The following KDELR1 variants were observed in gnomAD, a reference collection of about 807,000 sequenced individuals.
KDELR1 encodes the protein ER lumen protein-retaining receptor 1.
In KDELR1, 16 loss-of-function variants were observed where a neutral mutation model predicts 25.5. The observed-to-expected ratio is 0.63, with a 90% CI of 0.43 to 0.95. KDELR1 has a LOEUF of 0.95. Ranked by LOEUF, KDELR1 falls within the 40% of genes least tolerant of loss-of-function variation. The pLI, the probability that KDELR1 is intolerant of heterozygous loss-of-function variation, is 0.00. For missense variants in KDELR1, 159 were observed against 265.2 expected (o/e 0.60, Z 2.78); for synonymous variants, 121 against 115.0 (o/e 1.05, Z -0.33).
At position 48,384,312 on chromosome 19, in the gene KDELR1, G is replaced by C; in HGVS notation, c.522C>G (p.Gly174=). The part of the protein sequence containing the change: ...FNWIWRYHFE[G]FFDLIAIVAG... ...CCACAATGGCGATGAGGTCGAAGAAGCCCTCGAAATGGTAGCGCCAGATCC... is the reference window on the plus strand; with the variant it reads ...CCACAATGGCGATGAGGTCGAAGAACCCCTCGAAATGGTAGCGCCAGATCC... The change falls in exon 4 of 5, where the codon GGC becomes GGG. Residue 174 remains glycine, a synonymous_variant. Transcript: ENST00000330720. This position sits in a 1 kb window ranked among gnomAD's most constrained non-coding sequence, Gnocchi z 4.6. 6.2e-7 allele frequency: 1 copy of C among 1,614,250 alleles called. No individual in the cohort carries two copies. Among genetic ancestry groups the C allele is most frequent in the South Asian group, 1.1e-5 (1 of 91,090 alleles).
At chr19:48,396,932 A>G in the KDELR1 span, among the ~76,000 whole-genome samples, 1 of 152,134 alleles carries the variant, frequency 6.6e-6, no homozygotes, top group African/African-American at 2.4e-5. Context: ...CCAGGAGTCC[A>G]GACTCCCAGT....
In KDELR1 at chr19:48,384,893, T is replaced by TTC; in HGVS notation, c.352-412_352-411insGA. Among the ~76,000 whole-genome samples, 1 of 150,316 alleles carries TTC rather than the reference T, an allele frequency of 6.7e-6. No homozygotes were observed. The highest frequency in any genetic ancestry group is 1.9e-4 in the East Asian group (1 of 5,164). ...ATTTCCCTTCCTTTTTCTTTTTCTT[T>TTC]TTTTTTTTTTTGAGATGGAGTATCA... On this transcript the variant is annotated intron_variant, in intron 3 of 4. Coordinates refer to ENST00000330720, the MANE Select transcript of KDELR1 (RefSeq NM_006801.3). This position sits in a 1 kb window ranked among gnomAD's most constrained non-coding sequence, Gnocchi z 4.6.
chr19:48,390,950 C>G (rs1970543602), intron 1 of KDELR1: 6 of 481,152 alleles, frequency 1.2e-5, no homozygotes, highest in Non-Finnish European at 2.3e-5. Context: ...CCACGGTCCA[C>G]GTCACCAACT....
chr19:48,391,251 C>T lies in KDELR1; in HGVS notation c.91+17G>A, dbSNP rs1423232822. 8 of 1,550,826 alleles carry T rather than the reference C, an allele frequency of 5.2e-6. No individual in the cohort carries two copies. The highest frequency in any genetic ancestry group is 2.0e-5 in the Admixed American group (1 of 51,058). ...CCCGCAATCTCTCTCCTTCGCCAGC[C>T]CTGGTGGGCCTCTCACCGGCGCACG... On this transcript the variant is annotated intron_variant, in intron 1 of 4. Transcript: ENST00000330720.
At chr19:48,392,029 A>G (rs1183333009), upstream of KDELR1, among the ~76,000 whole-genome samples, 87 of 104,926 alleles carry the variant, frequency 8.3e-4, no homozygotes, top group Middle Eastern at 7.8e-3. Context: ...AGGAGTCCAG[A>G]CCCCCAGCCT....
In KDELR1 at chr19:48,384,440, A is replaced by G; in HGVS notation, c.394T>C (p.Leu132=). 1 of 1,613,726 alleles carries G rather than the reference A, an allele frequency of 6.2e-7. No individual in the cohort carries two copies. The highest frequency in any genetic ancestry group is 8.5e-7 in the Non-Finnish European group (1 of 1,179,860). The part of the protein sequence containing the change: ...FSIYLESVAI[L]PQLFMVSKTG... Reference sequence around the variant, plus strand: ...TTGCTCACCATGAACAGCTGCGGCAAGATGGCCACTGACTCCAGGTAGATG... The same window carrying G: ...TTGCTCACCATGAACAGCTGCGGCAGGATGGCCACTGACTCCAGGTAGATG... Residue 132 remains leucine, a synonymous_variant, in exon 4 of 5, where the codon TTG becomes CTG. Transcript: ENST00000330720. The surrounding 1 kb of genome is among the most constrained non-coding windows in gnomAD (Gnocchi z 4.6).
intron 2 of KDELR1, 153 bp downstream of exon 2, chr19:48,390,271 C>A: frequency 1.8e-6 from 1 of 566,200 alleles, no homozygotes; most frequent in Non-Finnish European, 3.1e-6. Flanking sequence ...TCCCTTCTTC[C>A]CTCAGACCCA....
upstream of KDELR1, among the ~76,000 whole-genome samples, chr19:48,391,775 C>G (rs1446593211): frequency 1.3e-5 from 2 of 152,278 alleles, no homozygotes; most frequent in Non-Finnish European, 2.9e-5. Context: ...GGAAGAGACG[C>G]AGTCCAGTAC....
At position 48,382,838 on chromosome 19, in the gene KDELR1, G is replaced by T. The variant is rs377143181; in HGVS notation, c.*455C>A. The T allele has an allele frequency of 6.4e-6, 1 of 155,744 alleles. No individual in the cohort carries two copies. The highest frequency in any genetic ancestry group is 1.4e-5 in the Non-Finnish European group (1 of 70,344). 9.6% of individuals were successfully genotyped at this position (155,744 alleles called of 1,614,324 possible). A position where few individuals can be genotyped will look rare whatever the true frequency, so the allele number is the denominator to read the frequency against. ...AATCTAGAAATTTAGTGGGGGTCGC[G>T]GTTCATGGCCATGGCAGGAGGTGGG... On this transcript the variant is annotated 3_prime_UTR_variant, in exon 5 of 5. Coordinates refer to ENST00000330720, the MANE Select transcript of KDELR1 (RefSeq NM_006801.3).
chr19:48,390,577 G>GAGAGAGACAGACAGAC (rs1555890422), intron 1 of KDELR1, 53 bp from the exon 2 acceptor site: 5 of 980,254 alleles, frequency 5.1e-6, no homozygotes, highest in East Asian at 5.4e-5. Flanking sequence ...GAGAGAGAGA[G>GAGAGAGACAGACAGAC]AGACAGACAG....
At chr19:48,396,602 G>A in the KDELR1 span, among the ~76,000 whole-genome samples, 1 of 152,014 alleles carries the variant, frequency 6.6e-6, no homozygotes, top group Non-Finnish European at 1.5e-5. Context: ...CTTGGGGAAG[G>A]GCAATGGAAA....
rs1245028907 is a variant in KDELR1 at position 48,384,780 on chromosome 19, C to T, written c.352-298G>A. Among the ~76,000 whole-genome samples, 2 of 152,102 alleles carry T rather than the reference C, an allele frequency of 1.3e-5. No homozygotes were observed. The highest frequency in any genetic ancestry group is 2.4e-5 in the African/African-American group (1 of 41,414). ...GCCAGCAAGCAGCAGAGCAATGATT[C>T]GAACCAAGGATTCGCAGTCCGTTCT... On this transcript the variant is annotated intron_variant, in intron 3 of 4. Transcript: ENST00000330720. This position sits in a 1 kb window ranked among gnomAD's most constrained non-coding sequence, Gnocchi z 4.6.
chr19:48,389,773 A>G, intron 2 of KDELR1, 62 bp from the exon 3 acceptor site: 1 of 1,583,326 alleles, frequency 6.3e-7, no homozygotes, highest in South Asian at 1.1e-5. Flanking sequence ...GTAGGCTCAG[A>G]GCCCGGAGTC....
chr19:48,389,130 C>G (rs887830748), intron 3 of KDELR1, among the ~76,000 whole-genome samples: 2 of 152,078 alleles, frequency 1.3e-5, no homozygotes, highest in African/African-American at 2.4e-5. Context: ...ATTAGCAGAG[C>G]ATGGTGATGT....
the KDELR1 span, among the ~76,000 whole-genome samples, chr19:48,397,043 T>C: frequency 6.6e-6 from 1 of 152,028 alleles, no homozygotes; most frequent in African/African-American, 2.4e-5. Context: ...AGAGAGGCTG[T>C]ATTTCCTCTA....
chr19:48,383,386 G>A, intron 4 of KDELR1, 59 bp from the exon 5 acceptor site: 1 of 1,461,660 alleles, frequency 6.8e-7, no homozygotes, highest in Non-Finnish European at 9.4e-7. Flanking sequence ...GGAGGGGACA[G>A]CCTCCCACAG....
chr19:48,397,030 G>T, the KDELR1 span, among the ~76,000 whole-genome samples: 1 of 152,146 alleles, frequency 6.6e-6, no homozygotes, highest in Non-Finnish European at 1.5e-5. Context: ...AGGGGGCACA[G>T]GAAGAGAGGC....
Position 48,383,060 on chromosome 19 carries a change from T to G in KDELR1, c.*233A>C, listed in dbSNP as rs1600954644. The G allele has an allele frequency of 3.5e-6, 2 of 563,782 alleles. No individual in the cohort carries two copies. Among genetic ancestry groups the G allele is most frequent in the Non-Finnish European group, 6.3e-6 (2 of 318,468 alleles). 34.9% of individuals were successfully genotyped at this position (563,782 alleles called of 1,614,324 possible). Reference sequence around the variant, plus strand: ...GTCATCAGAATCAAAAACTAAAGAGTGGAAAGATTTTTTTTTCTTGTCTAA... The same window carrying G: ...GTCATCAGAATCAAAAACTAAAGAGGGGAAAGATTTTTTTTTCTTGTCTAA... On this transcript the variant is annotated 3_prime_UTR_variant, in exon 5 of 5. Coordinates refer to ENST00000330720, the MANE Select transcript of KDELR1 (RefSeq NM_006801.3).
upstream of KDELR1, among the ~76,000 whole-genome samples, chr19:48,396,270 G>A (rs945954953): frequency 1.3e-5 from 2 of 152,068 alleles, no homozygotes; most frequent in African/African-American, 4.8e-5. Context: ...TGGAGGACTG[G>A]GGATGCCCCT....
Sources: allele counts gnomAD v4.1 joint callset (sites outside exome capture counted in the v4.1 genomes callset), GRCh38; gene constraint gnomAD v4.1.1; non-coding constraint Gnocchi (gnomAD v3.1); transcripts MANE v1.5; gene names NCBI Gene and HGNC (gene_info 2026-07-23, HGNC 2026-07-21).